The following LDLRAD3 variants were observed in gnomAD, a reference collection of about 807,000 sequenced individuals.
LDLRAD3 encodes the protein low-density lipoprotein receptor class A domain-containing protein 3.
Under a neutral mutation model 29.4 loss-of-function variants are expected in LDLRAD3, and 20 were observed. The observed-to-expected ratio is 0.68, with a 90% CI of 0.48 to 0.99. The LOEUF (loss-of-function observed/expected upper bound fraction) is 0.99, where lower values mean the gene tolerates loss of function less well. Ranked by LOEUF, LDLRAD3 falls within the 50% of genes least tolerant of loss-of-function variation. The pLI is 0.00. For synonymous variants in LDLRAD3, 157 were observed against 192.7 expected, an observed-to-expected ratio of 0.81 and a Z score of 1.53; for missense variants, 420 against 454.3, an observed-to-expected ratio of 0.92 and a Z score of 0.69.
At chr11:36,199,413 C>T (rs1029514418) in intron 4 of LDLRAD3, among the ~76,000 whole-genome samples, 1 of 152,176 alleles carries the variant, frequency 6.6e-6, no homozygotes, top group Non-Finnish European at 1.5e-5. Context: ...AAATCAATTT[C>T]TTTGTGCTAT....
intron 1 of LDLRAD3, among the ~76,000 whole-genome samples, chr11:36,013,145 G>A (rs1565161410): frequency 6.6e-6 from 1 of 152,138 alleles, no homozygotes; most frequent in Non-Finnish European, 1.5e-5. Context: ...TGTCCTTTGA[G>A]CAGTACTGAG....
intron 4 of LDLRAD3, chr11:36,101,850 T>A (rs1285238942): frequency 6.3e-6 from 2 of 317,576 alleles, no homozygotes; most frequent in African/African-American, 4.6e-5. Flanking sequence ...GACAAAATAT[T>A]GCCCTATGCC....
intron 4 of LDLRAD3, among the ~76,000 whole-genome samples, chr11:36,200,504 A>G (rs1855111665): frequency 6.6e-6 from 1 of 152,206 alleles, no homozygotes; most frequent in Non-Finnish European, 1.5e-5. Context: ...GTCCATAACA[A>G]TCCGTTTTCA....
At chr11:35,967,825 A>G (rs530612836) in intron 1 of LDLRAD3, 11 of 432,278 alleles carry the variant, frequency 2.5e-5, no homozygotes, top group African/African-American at 2.0e-4. Context: ...AGCTCCTGCC[A>G]TTGCAGTATC....
At chr11:35,998,910 T>A (rs1851788474) in intron 1 of LDLRAD3, among the ~76,000 whole-genome samples, 1 of 152,172 alleles carries the variant, frequency 6.6e-6, no homozygotes, top group African/African-American at 2.4e-5. Context: ...TTGGTATGAG[T>A]CCTGGGAGAG....
intron 4 of LDLRAD3, among the ~76,000 whole-genome samples, chr11:36,145,541 A>G (rs1854177560): frequency 1.3e-5 from 2 of 148,400 alleles, no homozygotes; most frequent in African/African-American, 4.9e-5. Context: ...CATGATGACA[A>G]TGGCGGTTTT....
intron 1 of LDLRAD3, among the ~76,000 whole-genome samples, chr11:36,023,312 T>C (rs1006764763): frequency 3.3e-5 from 5 of 152,008 alleles, no homozygotes; most frequent in African/African-American, 1.2e-4. Flanking sequence ...GGGAGGTAGG[T>C]GTGATTCCCG....
intron 4 of LDLRAD3, 123 bp downstream of exon 4, chr11:36,098,584 A>T (rs1473007364): frequency 2.5e-6 from 3 of 1,181,280 alleles, no homozygotes; most frequent in Non-Finnish European, 3.6e-6. Flanking sequence ...TAGTTTTTGC[A>T]CTCAGCCTTG....
intron 3 of LDLRAD3, among the ~76,000 whole-genome samples, chr11:36,097,491 G>A (rs1391785452): frequency 6.6e-6 from 1 of 152,204 alleles, no homozygotes; most frequent in Non-Finnish European, 1.5e-5. Context: ...TTCAGGTTTT[G>A]CCCAGACCCC....
intron 1 of LDLRAD3, among the ~76,000 whole-genome samples, chr11:35,965,005 G>A (rs887395942): frequency 2.8e-5 from 4 of 145,416 alleles, no homozygotes; most frequent in African/African-American, 1.0e-4. Flanking sequence ...AAAAAAAATA[G>A]TGTTGAGAAG....
At chr11:36,144,852 TGGG>T (rs1399341960) in intron 4 of LDLRAD3, among the ~76,000 whole-genome samples, 1 of 74,534 alleles carries the variant, frequency 1.3e-5, no homozygotes, top group African/African-American at 5.1e-5. Context: ...GGGAGGGAGG[TGGG>T]GGGGTCAGCC....
intron 2 of LDLRAD3, among the ~76,000 whole-genome samples, chr11:36,059,537 C>T (rs1276254325): frequency 6.6e-6 from 1 of 152,010 alleles, no homozygotes; most frequent in Non-Finnish European, 1.5e-5. Flanking sequence ...CAGCCCCACT[C>T]CACAACCCTT....
chr11:35,995,498 C>G (rs1037434335), intron 1 of LDLRAD3, among the ~76,000 whole-genome samples: 1 of 152,174 alleles, frequency 6.6e-6, no homozygotes, highest in African/African-American at 2.4e-5. Context: ...TTTAAAGGCT[C>G]CAGGATTTTC....
chr11:36,134,897 A>C (rs1853981908), intron 4 of LDLRAD3, among the ~76,000 whole-genome samples: 1 of 152,062 alleles, frequency 6.6e-6, no homozygotes. Flanking sequence ...TGGTACCATG[A>C]GGGTATTAAA....
intron 4 of LDLRAD3, among the ~76,000 whole-genome samples, chr11:36,126,622 C>T (rs1853842148): frequency 6.6e-6 from 1 of 152,108 alleles, no homozygotes; most frequent in Non-Finnish European, 1.5e-5. Flanking sequence ...GGCTATCAGC[C>T]TTGTTTGGGT....
chr11:36,229,610 G>T lies in LDLRAD3; in HGVS notation c.*213G>T. On this transcript the variant is annotated 3_prime_UTR_variant, in exon 6 of 6. Coordinates refer to ENST00000315571, the MANE Select transcript of LDLRAD3 (RefSeq NM_174902.4). ...ACATGATCTGTTGTGCGTCTTTTCT[G>T]TCAGGTCACTCTTCCCTTGGGACCC... The T allele has an allele frequency of 1.9e-6, 1 of 517,662 alleles. No homozygotes were observed. Among genetic ancestry groups the T allele is most frequent in the African/African-American group, 1.9e-5 (1 of 52,654 alleles). The allele number at this position is 517,662 out of a possible 1,614,324, so 32.1% of individuals were successfully genotyped here.
intron 4 of LDLRAD3, among the ~76,000 whole-genome samples, chr11:36,188,243 C>G (rs1854883839): frequency 6.6e-6 from 1 of 151,878 alleles, no homozygotes. Flanking sequence ...ATATGACTAC[C>G]TACCTTCAAA....
chr11:36,150,995 C>A (rs941453467), intron 4 of LDLRAD3, among the ~76,000 whole-genome samples: 2 of 152,108 alleles, frequency 1.3e-5, no homozygotes, highest in African/African-American at 4.8e-5. Flanking sequence ...GAATCTCTTA[C>A]TGGACATGGA....
At chr11:36,086,244 C>T (rs1853194194) in intron 3 of LDLRAD3, among the ~76,000 whole-genome samples, 1 of 152,162 alleles carries the variant, frequency 6.6e-6, no homozygotes, top group African/African-American at 2.4e-5. Context: ...TCTGTGTCAT[C>T]TTGGCATTTG....
Sources: allele counts gnomAD v4.1 joint callset (sites outside exome capture counted in the v4.1 genomes callset), GRCh38; gene constraint gnomAD v4.1.1; transcripts MANE v1.5; gene names NCBI Gene and HGNC (gene_info 2026-07-23, HGNC 2026-07-21).